FCHO2: variants seen among roughly 807,000 people sequenced by gnomAD.
The protein encoded by FCHO2 is FCH and mu domain containing endocytic adaptor 2.
FCHO2 carries 43 observed loss-of-function variants against 114.1 expected under a neutral mutation model. The ratio of observed to expected loss-of-function variants is 0.38; its 90% CI spans 0.30 to 0.49. The LOEUF is 0.49. Ranked by LOEUF, FCHO2 falls within the 20% of genes least tolerant of loss-of-function variation. FCHO2 has a pLI of 0.97. For missense variants in FCHO2, 807 were observed against 950.4 expected, an observed-to-expected ratio of 0.85 and a Z score of 1.98; for synonymous variants, 293 against 315.2, an observed-to-expected ratio of 0.93 and a Z score of 0.75.
chr5:73,032,349 A>T (rs746000484), intron 8 of FCHO2, among the ~76,000 whole-genome samples: 25 of 152,096 alleles, frequency 1.6e-4, no homozygotes, highest in Non-Finnish European at 3.4e-4. Flanking sequence ...ATATTTTTTG[A>T]TTTGAAGTGA....
In FCHO2 at chr5:73,015,709, T is replaced by C. The variant is rs763846094; in HGVS notation, c.684T>C (p.His228=). The C allele has an allele frequency of 1.9e-6, 3 of 1,578,410 alleles. No homozygotes were observed. In the East Asian group the frequency reaches 6.9e-5, roughly 37 times the overall value. Residue 228 remains histidine, a synonymous_variant, in exon 7 of 26, where the codon CAT becomes CAC. Transcript: ENST00000430046. ...GSLSNAIKEI[H]LQIGQVHEEF... is the part of the protein sequence containing the mutation. ...TGTCAAATGCTATAAAGGAAATTCATTTGCAGATAGGCCAGGTAAGTTTTT... is the reference window on the plus strand; with the variant it reads ...TGTCAAATGCTATAAAGGAAATTCACTTGCAGATAGGCCAGGTAAGTTTTT...
intron 2 of FCHO2, among the ~76,000 whole-genome samples, chr5:72,983,633 C>T (rs1342128288): frequency 1.3e-5 from 2 of 149,110 alleles, no homozygotes; most frequent in Non-Finnish European, 1.5e-5. Flanking sequence ...AAATGATCTG[C>T]CCACCTCTGC....
intron 10 of FCHO2, among the ~76,000 whole-genome samples, chr5:73,039,290 T>C (rs781559836): frequency 6.6e-6 from 1 of 152,188 alleles, no homozygotes; most frequent in African/African-American, 2.4e-5. Flanking sequence ...TCCTGGAGCT[T>C]CATCTGCAGG....
intron 6 of FCHO2, among the ~76,000 whole-genome samples, chr5:73,010,059 T>C (rs913572487): frequency 2.0e-5 from 3 of 152,306 alleles, no homozygotes; most frequent in African/African-American, 7.2e-5. Context: ...TAATTTGGGT[T>C]AGTTTAGAAG....
At chr5:73,045,203 C>T (rs1408608804) in intron 11 of FCHO2, among the ~76,000 whole-genome samples, 1 of 152,144 alleles carries the variant, frequency 6.6e-6, no homozygotes, top group Non-Finnish European at 1.5e-5. Flanking sequence ...CAAAATAGGA[C>T]ATTTTCATTA....
intron 18 of FCHO2, among the ~76,000 whole-genome samples, chr5:73,066,435 T>C (rs1263318876): frequency 1.3e-5 from 2 of 152,052 alleles, no homozygotes; most frequent in Admixed American, 1.3e-4. Context: ...CATTCTTTTT[T>C]AATAAAAAAT....
intron 5 of FCHO2, among the ~76,000 whole-genome samples, chr5:72,992,616 C>T (rs1000473411): frequency 1.3e-5 from 2 of 152,062 alleles, no homozygotes; most frequent in Non-Finnish European, 2.9e-5. Context: ...AAAGAAGGCT[C>T]TTGGGTTGCT....
At chr5:73,004,835 A>T (rs1442654932) in intron 5 of FCHO2, among the ~76,000 whole-genome samples, 1 of 152,170 alleles carries the variant, frequency 6.6e-6, no homozygotes, top group South Asian at 2.1e-4. Context: ...TATAATTGTT[A>T]TATTTTATTA....
chr5:73,023,969 A>G (rs1344087567), intron 8 of FCHO2, among the ~76,000 whole-genome samples: 3 of 152,236 alleles, frequency 2.0e-5, no homozygotes, highest in Non-Finnish European at 2.9e-5. Flanking sequence ...TCTGTTGGTT[A>G]GGTAATAACT....
At chr5:73,034,593 A>G in intron 8 of FCHO2, 64 bp from the exon 9 acceptor site, 3 of 1,323,060 alleles carry the variant, frequency 2.3e-6, no homozygotes, top group Non-Finnish European at 3.1e-6. Flanking sequence ...ATGTAAAAAA[A>G]AAGTTTTAAA....
intron 20 of FCHO2, among the ~76,000 whole-genome samples, chr5:73,076,642 G>A (rs1742922901): frequency 6.6e-6 from 1 of 152,092 alleles, no homozygotes; most frequent in South Asian, 2.1e-4. Context: ...GAAACAGTAT[G>A]GACTGCAGAA....
chr5:73,078,133 A>G (rs547765063), intron 21 of FCHO2, 47 bp from the exon 22 acceptor site: 4 of 1,396,302 alleles, frequency 2.9e-6, no homozygotes, highest in Non-Finnish European at 3.8e-6. Context: ...GAGGCAAAAC[A>G]TAAAGATAAG....
intron 9 of FCHO2, 39 bp downstream of exon 9, chr5:73,034,740 G>T (rs1235257442): frequency 6.7e-7 from 1 of 1,498,140 alleles, no homozygotes; most frequent in South Asian, 1.3e-5. Context: ...GCACATGGCA[G>T]CTAGCTAGTA....
At position 72,968,337 on chromosome 5, in the gene FCHO2, A is replaced by G. The variant is rs112170113; in HGVS notation, c.34-161A>G. Among the ~76,000 whole-genome samples, 1,179 of 152,330 alleles carry G rather than the reference A, an allele frequency of 7.7e-3. 13 individuals are homozygous for G. Among genetic ancestry groups the G allele is most frequent in the African/African-American group, 0.027 (1,130 of 41,556 alleles). Reference sequence around the variant, plus strand: ...ATTGTAAACTTTATTAAAGCATATAATATTGCTTTATACTGTTTAAAATCA... The same window carrying G: ...ATTGTAAACTTTATTAAAGCATATAGTATTGCTTTATACTGTTTAAAATCA... On this transcript the variant is annotated intron_variant, in intron 1 of 25. Transcript: ENST00000430046.
rs116046881 is a variant in FCHO2, at chr5:72,995,658, G to C, written c.495+4794G>C. ...CTAGTGAGAGCCTTCTTGCTTGTGGGGAGTCTGCCGAATTCTCAGAAGGTG... is the reference window on the plus strand; with the variant it reads ...CTAGTGAGAGCCTTCTTGCTTGTGGCGAGTCTGCCGAATTCTCAGAAGGTG... On this transcript the variant is annotated intron_variant, in intron 5 of 25. Transcript: ENST00000430046. Among the ~76,000 whole-genome samples the C allele has an allele frequency of 6.6e-3, 999 of 152,220 alleles. 11 individuals carry two copies. The highest frequency in any genetic ancestry group is 0.023 in the African/African-American group (959 of 41,528).
intron 5 of FCHO2, among the ~76,000 whole-genome samples, chr5:72,997,895 G>T (rs1754211974): frequency 1.3e-5 from 2 of 152,222 alleles, no homozygotes; most frequent in African/African-American, 2.4e-5. Flanking sequence ...TGGGAGACAG[G>T]CAGAGGCCTA....
chr5:73,055,574 T>C (rs913783338), intron 15 of FCHO2, among the ~76,000 whole-genome samples: 3 of 152,218 alleles, frequency 2.0e-5, no homozygotes, highest in African/African-American at 7.2e-5. Flanking sequence ...CAAAACAAAC[T>C]ATCTTATAAA....
chr5:73,080,462 A>G (rs1310027600), intron 22 of FCHO2, among the ~76,000 whole-genome samples: 3 of 152,342 alleles, frequency 2.0e-5, no homozygotes, highest in Non-Finnish European at 2.9e-5. Flanking sequence ...TATTCGCTGT[A>G]GCATTGTTTA....
intron 5 of FCHO2, among the ~76,000 whole-genome samples, chr5:72,998,348 G>T (rs1238812341): frequency 6.6e-6 from 1 of 151,950 alleles, no homozygotes; most frequent in East Asian, 1.9e-4. Context: ...TTAGCCAGGC[G>T]TGGTGGCGGG....
Sources: gnomAD v4.1 joint callset for allele counts (sites outside exome capture counted in the v4.1 genomes callset) on GRCh38, gnomAD v4.1.1 for gene constraint, MANE v1.5 for transcripts, NCBI Gene and HGNC (gene_info 2026-07-23, HGNC 2026-07-21) for gene names.